CACNB2: variants seen among roughly 807,000 people sequenced by gnomAD.
CACNB2 encodes the protein calcium voltage-gated channel auxiliary subunit beta 2.
In CACNB2, 42 loss-of-function variants were observed where a neutral mutation model predicts 73.3. That is an observed-to-expected ratio of 0.57 (90% confidence interval 0.45 to 0.74). The LOEUF is 0.74. Ranked by LOEUF, CACNB2 falls within the 30% of genes least tolerant of loss-of-function variation. CACNB2 has a pLI of 0.00. For synonymous variants in CACNB2, 348 were observed against 310.3 expected (o/e 1.12, Z -1.28); for missense variants, 940 against 853.0 (o/e 1.10, Z -1.27).
At chr10:18,156,294 T>G (rs2032038288) in intron 2 of CACNB2, among the ~76,000 whole-genome samples, 1 of 152,216 alleles carries the variant, frequency 6.6e-6, no homozygotes, top group African/African-American at 2.4e-5. Flanking sequence ...TGAAAGAATT[T>G]TTGCAGTTAT....
intron 2 of CACNB2, among the ~76,000 whole-genome samples, chr10:18,322,565 G>A (rs183826027): frequency 3.5e-4 from 53 of 152,302 alleles, no homozygotes; most frequent in Middle Eastern, 6.8e-3. Context: ...TGAGAGCAAT[G>A]TGATATCTCT....
intron 2 of CACNB2, among the ~76,000 whole-genome samples, chr10:18,285,522 A>G (rs1221941033): frequency 6.6e-6 from 1 of 152,224 alleles, no homozygotes; most frequent in East Asian, 1.9e-4. Context: ...AAGGCTTCAC[A>G]TGGCAGCCCC....
At chr10:18,444,164 G>T (rs1349972916) in intron 3 of CACNB2, among the ~76,000 whole-genome samples, 1 of 152,108 alleles carries the variant, frequency 6.6e-6, no homozygotes, top group East Asian at 1.9e-4. Flanking sequence ...TTTAGGAGGG[G>T]GTGCCTTAGG....
At chr10:18,460,598 T>G (rs1273795284) in intron 3 of CACNB2, among the ~76,000 whole-genome samples, 2 of 152,012 alleles carry the variant, frequency 1.3e-5, no homozygotes, top group Non-Finnish European at 2.9e-5. Context: ...AAAAAATAAA[T>G]AAAGGATTCT....
intron 2 of CACNB2, among the ~76,000 whole-genome samples, chr10:18,356,693 T>C (rs1369900855): frequency 1.3e-5 from 2 of 152,028 alleles, no homozygotes; most frequent in Non-Finnish European, 2.9e-5. Context: ...TGCACTGACA[T>C]GATTGCAGCT....
At chr10:18,232,781 C>T (rs1213424609) in intron 2 of CACNB2, among the ~76,000 whole-genome samples, 3 of 152,140 alleles carry the variant, frequency 2.0e-5, no homozygotes, top group Admixed American at 6.6e-5. Flanking sequence ...CCAAATATCC[C>T]AGTATCTTTT....
intron 2 of CACNB2, among the ~76,000 whole-genome samples, chr10:18,293,302 A>G (rs1354756847): frequency 6.6e-6 from 1 of 152,212 alleles, no homozygotes; most frequent in Non-Finnish European, 1.5e-5. Flanking sequence ...GATATGATTC[A>G]GGAACCTTTG....
In CACNB2 at chr10:18,416,951, A is replaced by T. The variant is rs545922450; in HGVS notation, c.333+14908A>T. On this transcript the variant is annotated intron_variant, in intron 3 of 13. Transcript: ENST00000324631. ...GGGCAAGGACCCAGGCTTCTGCCTC[A>T]TTTTTTTTTTTTTAATGTTCTTTCA... Among the ~76,000 whole-genome samples the T allele has an allele frequency of 5.3e-4, 74 of 140,786 alleles. No individual in the cohort carries two copies. The South Asian group carries it at 0.012, about 23-fold the overall frequency. 92.4% of individuals were successfully genotyped at this position (140,786 alleles called of 152,430 possible).
chr10:18,179,573 C>A (rs1279034176), intron 2 of CACNB2, among the ~76,000 whole-genome samples: 1 of 150,688 alleles, frequency 6.6e-6, no homozygotes, highest in Non-Finnish European at 1.5e-5. Flanking sequence ...TTTTTAGGAT[C>A]TTCGGGTAAA....
intron 12 of CACNB2, among the ~76,000 whole-genome samples, 182 bp from the exon 13 acceptor site, chr10:18,537,997 CA>C (rs2053772303): frequency 1.3e-5 from 2 of 152,124 alleles, no homozygotes; most frequent in South Asian, 2.1e-4. Context: ...GTGCCCTCAA[CA>C]ATGATTTGAG....
chr10:18,383,097 C>G (rs954772492), intron 2 of CACNB2, among the ~76,000 whole-genome samples: 1 of 152,146 alleles, frequency 6.6e-6, no homozygotes, highest in African/African-American at 2.4e-5. Context: ...GAACACTCAC[C>G]AAAGCCACAG....
intron 2 of CACNB2, among the ~76,000 whole-genome samples, chr10:18,386,600 G>T (rs2043246529): frequency 6.6e-6 from 1 of 151,708 alleles, no homozygotes; most frequent in South Asian, 2.1e-4. Flanking sequence ...TAGAGACAGG[G>T]TTTCACCGTG....
intron 2 of CACNB2, 125 bp downstream of exon 2, chr10:18,151,100 A>G: frequency 2.7e-6 from 2 of 734,216 alleles, no homozygotes; most frequent in Non-Finnish European, 4.9e-6. Flanking sequence ...ATTGAAGTGA[A>G]GACGGTGCTG....
chr10:18,186,877 C>T (rs939698946), intron 2 of CACNB2, among the ~76,000 whole-genome samples: 6 of 152,108 alleles, frequency 3.9e-5, no homozygotes, highest in Non-Finnish European at 5.9e-5. Flanking sequence ...GTCAATAAAA[C>T]GAATGGGGCA....
At chr10:18,412,725 T>C (rs2044704280) in intron 3 of CACNB2, among the ~76,000 whole-genome samples, 1 of 152,236 alleles carries the variant, frequency 6.6e-6, no homozygotes, top group Non-Finnish European at 1.5e-5. Context: ...CGACTTTTAG[T>C]TCCCTCACCT....
intron 3 of CACNB2, among the ~76,000 whole-genome samples, chr10:18,450,421 G>A (rs2046959155): frequency 6.6e-6 from 1 of 151,916 alleles, no homozygotes; most frequent in Admixed American, 6.6e-5. Context: ...GAATAAGAAG[G>A]GCCTGTGGTG....
At chr10:18,151,096 G>C (rs1163404419) in intron 2 of CACNB2, 121 bp downstream of exon 2, 25 of 740,560 alleles carry the variant, frequency 3.4e-5, no homozygotes, top group Admixed American at 6.0e-5. Context: ...TTTAATTGAA[G>C]TGAAGACGGT....
intron 2 of CACNB2, among the ~76,000 whole-genome samples, chr10:18,277,041 TGGGAGG>T (rs2038324288): frequency 6.6e-6 from 1 of 152,112 alleles, no homozygotes; most frequent in African/African-American, 2.4e-5. Flanking sequence ...CTCTTGAGCC[TGGGAGG>T]TCGAGGCTGC....
intron 2 of CACNB2, among the ~76,000 whole-genome samples, chr10:18,384,754 C>CAA (rs67797223): frequency 3.6e-4 from 53 of 145,600 alleles, no homozygotes; most frequent in African/African-American, 1.3e-3. Context: ...AAACAAAAAA[C>CAA]AAAAAAAACC....
Sources: gnomAD v4.1 joint callset for allele counts (sites outside exome capture counted in the v4.1 genomes callset) on GRCh38, gnomAD v4.1.1 for gene constraint, MANE v1.5 for transcripts, NCBI Gene and HGNC (gene_info 2026-07-23, HGNC 2026-07-21) for gene names.